Variants in SLIT3 observed in about 807,000 individuals in gnomAD.
The protein encoded by SLIT3 is slit guidance ligand 3.
A neutral mutation model predicts 184.0 loss-of-function variants in SLIT3; 68 were observed. The ratio of observed to expected loss-of-function variants is 0.37; its 90% confidence interval spans 0.30 to 0.45. The LOEUF (loss-of-function observed/expected upper bound fraction) is 0.45. SLIT3 is among the 20% of genes least tolerant of loss of function. SLIT3 has a pLI of 1.00. For missense variants in SLIT3, 1,707 were observed against 2,026.0 expected, an observed-to-expected ratio of 0.84 and a Z score of 3.02; for synonymous variants, 831 against 828.6, an observed-to-expected ratio of 1.00 and a Z score of -0.05.
chr5:168,768,571 T>C (rs1755428513), intron 14 of SLIT3, among the ~76,000 whole-genome samples: 1 of 152,208 alleles, frequency 6.6e-6, no homozygotes, highest in Non-Finnish European at 1.5e-5. Context: ...GAATTGAGCC[T>C]CTAAACTCCA....
intron 4 of SLIT3, among the ~76,000 whole-genome samples, chr5:169,174,349 G>C (rs868036262): frequency 2.0e-5 from 3 of 152,192 alleles, no homozygotes; most frequent in Non-Finnish European, 2.9e-5. Flanking sequence ...CAGCCCCTGC[G>C]ATAATTCCTA....
intron 4 of SLIT3, among the ~76,000 whole-genome samples, chr5:169,011,697 A>G (rs1253839399): frequency 1.3e-5 from 2 of 152,202 alleles, no homozygotes; most frequent in African/African-American, 4.8e-5. Context: ...TATGGACATC[A>G]GGTCAAAGGG....
At chr5:168,706,527 G>T (rs1192232525) in intron 26 of SLIT3, 1 of 152,086 alleles carries the variant, frequency 6.6e-6, no homozygotes, top group East Asian at 1.9e-4. Flanking sequence ...CCCTGTGACT[G>T]AATTTATAAC....
chr5:168,857,383 GT>G (rs572981734), intron 5 of SLIT3, among the ~76,000 whole-genome samples: 2 of 150,858 alleles, frequency 1.3e-5, no homozygotes, highest in Non-Finnish European at 3.0e-5. Flanking sequence ...TTTTTGTTTT[GT>G]TTTGTTTTGT....
chr5:169,069,393 C>T (rs958370061), intron 4 of SLIT3, among the ~76,000 whole-genome samples: 5 of 152,194 alleles, frequency 3.3e-5, no homozygotes, highest in African/African-American at 1.2e-4. Flanking sequence ...AGGAGATCAC[C>T]GTCACAGTCC....
chr5:168,743,129 G>A (rs996491223), intron 20 of SLIT3, among the ~76,000 whole-genome samples: 3 of 152,202 alleles, frequency 2.0e-5, no homozygotes, highest in Non-Finnish European at 4.4e-5. Context: ...ATTATTAGAA[G>A]GGCAGATCAA....
chr5:169,207,831 G>T (rs187862140), intron 3 of SLIT3, among the ~76,000 whole-genome samples: 2 of 152,160 alleles, frequency 1.3e-5, no homozygotes, highest in African/African-American at 2.4e-5. Context: ...AATGGGATTA[G>T]TGCTTCCTTG....
chr5:168,733,138 A>C (rs1763336754), intron 20 of SLIT3, among the ~76,000 whole-genome samples: 1 of 152,148 alleles, frequency 6.6e-6, no homozygotes, highest in African/African-American at 2.4e-5. Context: ...AAAGGATATG[A>C]ATAAACATTT....
At chr5:169,032,218 T>A (rs1757052780) in intron 4 of SLIT3, among the ~76,000 whole-genome samples, 1 of 152,198 alleles carries the variant, frequency 6.6e-6, no homozygotes, top group Admixed American at 6.5e-5. Context: ...TCATTAACCA[T>A]GTCCATATAT....
At chr5:168,852,896 T>C (rs1469868951) in intron 5 of SLIT3, among the ~76,000 whole-genome samples, 1 of 152,252 alleles carries the variant, frequency 6.6e-6, no homozygotes. Flanking sequence ...TCTGAAAATG[T>C]ATTTGTGGCA....
At chr5:169,127,530 C>A (rs563194766) in intron 4 of SLIT3, among the ~76,000 whole-genome samples, 5 of 152,212 alleles carry the variant, frequency 3.3e-5, no homozygotes, top group Non-Finnish European at 5.9e-5. Context: ...AGATAGTCAG[C>A]ATTCAAGCAT....
rs1580991743 is a variant in SLIT3 at position 168,712,166 on chromosome 5, A to G, written c.2555+117T>C. 5 of 840,972 alleles carry G rather than the reference A, an allele frequency of 5.9e-6. No individual in the cohort carries two copies. In the East Asian group the frequency reaches 1.2e-4, roughly 20 times the overall value. 52.1% of individuals were successfully genotyped at this position (840,972 alleles called of 1,614,324 possible). On this transcript the variant is annotated intron_variant, in intron 24 of 35. Coordinates refer to ENST00000519560, the MANE Select transcript of SLIT3 (RefSeq NM_003062.4). ...TAGTGTGGATACATAGTTGTATAATATACTGTATGCATAAGGAAAGGACAT... is the reference window on the plus strand; with the variant it reads ...TAGTGTGGATACATAGTTGTATAATGTACTGTATGCATAAGGAAAGGACAT...
intron 4 of SLIT3, among the ~76,000 whole-genome samples, chr5:168,887,728 G>A (rs2113800520): frequency 6.6e-6 from 1 of 152,176 alleles, no homozygotes; most frequent in South Asian, 2.1e-4. Flanking sequence ...TGACTTATTA[G>A]ACTACAGCTT....
intron 4 of SLIT3, among the ~76,000 whole-genome samples, chr5:169,065,090 A>G (rs1443314631): frequency 6.6e-6 from 1 of 152,206 alleles, no homozygotes; most frequent in Admixed American, 6.5e-5. Flanking sequence ...CATATGGTTA[A>G]ACAGTCATAT....
chr5:168,932,347 GACACACACACACACAC>G (rs375350401), intron 4 of SLIT3, among the ~76,000 whole-genome samples: 54 of 131,142 alleles, frequency 4.1e-4, no homozygotes, highest in Admixed American at 1.2e-3. Flanking sequence ...AGGGGAAAAA[GACACACACACACACAC>G]ACACACACAC....
At chr5:168,696,464 T>C (rs376160104) in intron 27 of SLIT3, 33 bp from the exon 28 acceptor site, 15 of 1,611,874 alleles carry the variant, frequency 9.3e-6, no homozygotes, top group Non-Finnish European at 1.3e-5. Context: ...AGCAGGGGAG[T>C]CAGGGGTCAG....
At chr5:169,090,741 G>A (rs1423966745) in intron 4 of SLIT3, among the ~76,000 whole-genome samples, 2 of 152,198 alleles carry the variant, frequency 1.3e-5, no homozygotes, top group African/African-American at 4.8e-5. Flanking sequence ...GACAGAGGCC[G>A]GATGGAGGTG....
intron 4 of SLIT3, among the ~76,000 whole-genome samples, chr5:168,900,141 T>A (rs1760814638): frequency 6.6e-6 from 1 of 152,138 alleles, no homozygotes; most frequent in Non-Finnish European, 1.5e-5. Flanking sequence ...AAATAACAGA[T>A]GCTGGCAAGG....
chr5:168,891,707 C>A (rs568054676), intron 4 of SLIT3, among the ~76,000 whole-genome samples: 1 of 152,292 alleles, frequency 6.6e-6, no homozygotes, highest in African/African-American at 2.4e-5. Flanking sequence ...AGGAAAAGAA[C>A]CTGTTAGGCT....
Sources: allele counts gnomAD v4.1 joint callset (sites outside exome capture counted in the v4.1 genomes callset), GRCh38; gene constraint gnomAD v4.1.1; transcripts MANE v1.5; gene names NCBI Gene and HGNC (gene_info 2026-07-23, HGNC 2026-07-21).